Variants in DAB1 observed in about 807,000 individuals in gnomAD.
DAB1 encodes the protein DAB adaptor protein 1.
DAB1 carries 15 observed loss-of-function variants against 64.6 expected under a neutral mutation model. The ratio of observed to expected loss-of-function variants is 0.23; its 90% confidence interval spans 0.16 to 0.36. DAB1 has a LOEUF of 0.36. Ranked by LOEUF, DAB1 falls within the 10% of genes least tolerant of loss-of-function variation. The pLI is 1.00. For synonymous variants in DAB1, 235 were observed against 251.9 expected, an observed-to-expected ratio of 0.93 and a Z score of 0.64; for missense variants, 596 against 706.7, an observed-to-expected ratio of 0.84 and a Z score of 1.78.
chr1:58,082,508 T>C (rs1359495), intron 5 of DAB1, among the ~76,000 whole-genome samples: 36,178 of 151,718 alleles, frequency 0.24, 4,893 homozygotes, highest in East Asian at 0.49. Context: ...GTAGAAATTG[T>C]AGCATAAAGG....
chr1:58,107,841 T>G (rs1389833926), intron 5 of DAB1, among the ~76,000 whole-genome samples: 2 of 152,022 alleles, frequency 1.3e-5, no homozygotes, highest in African/African-American at 4.8e-5. Context: ...GATCTTGAAC[T>G]CCTGACCTCA....
chr1:57,602,270 T>G (rs1645583875), intron 7 of DAB1, among the ~76,000 whole-genome samples: 1 of 152,236 alleles, frequency 6.6e-6, no homozygotes, highest in Admixed American at 6.5e-5. Context: ...CTGGCATACC[T>G]ATGCTCACCC....
At chr1:57,125,155 G>A (rs1365163945) in intron 4 of DAB1, among the ~76,000 whole-genome samples, 3 of 152,104 alleles carry the variant, frequency 2.0e-5, no homozygotes, top group Non-Finnish European at 4.4e-5. Context: ...TCATCCCTCA[G>A]TTCATCCTTA....
intron 4 of DAB1, among the ~76,000 whole-genome samples, chr1:58,226,660 T>G (rs962835179): frequency 6.6e-6 from 1 of 152,254 alleles, no homozygotes; most frequent in Non-Finnish European, 1.5e-5. Flanking sequence ...GAATGTTTGA[T>G]TTCTCAGTAC....
At chr1:57,533,028 G>A (rs1644683971) in intron 7 of DAB1, among the ~76,000 whole-genome samples, 1 of 152,094 alleles carries the variant, frequency 6.6e-6, no homozygotes, top group Non-Finnish European at 1.5e-5. Flanking sequence ...CACAGTTCAT[G>A]AGGGACACAG....
At chr1:57,799,948 T>C (rs1358743043) in intron 6 of DAB1, among the ~76,000 whole-genome samples, 2 of 152,186 alleles carry the variant, frequency 1.3e-5, no homozygotes, top group African/African-American at 4.8e-5. Flanking sequence ...TCTGGCCCTT[T>C]GCAGAAAATG....
chr1:57,666,900 G>A (rs986812107), intron 6 of DAB1, among the ~76,000 whole-genome samples: 1 of 151,270 alleles, frequency 6.6e-6, no homozygotes, highest in Non-Finnish European at 1.5e-5. Context: ...GAAGGGGAGG[G>A]GGAGAGAGAG....
chr1:57,807,709 T>A (rs987421789), intron 6 of DAB1, among the ~76,000 whole-genome samples: 15 of 152,116 alleles, frequency 9.9e-5, no homozygotes, highest in Non-Finnish European at 1.5e-5. Context: ...AAAGTTACAC[T>A]GAGTGTGCCC....
chr1:57,358,848 A>G (rs1679329084), intron 1 of DAB1, among the ~76,000 whole-genome samples: 1 of 152,026 alleles, frequency 6.6e-6, no homozygotes, highest in Admixed American at 6.6e-5. Context: ...ACTTCTTTTC[A>G]ACAAAGAAGC....
chr1:57,153,840 C>T (rs1053295448), intron 2 of DAB1, among the ~76,000 whole-genome samples: 13 of 151,912 alleles, frequency 8.6e-5, no homozygotes, highest in Admixed American at 3.9e-4. Context: ...GGGGTTTCAC[C>T]GTGTTAGCCA....
chr1:57,610,255 A>G (rs1234334840), intron 7 of DAB1, among the ~76,000 whole-genome samples: 1 of 152,212 alleles, frequency 6.6e-6, no homozygotes, highest in Non-Finnish European at 1.5e-5. Flanking sequence ...AGTAGGTCCC[A>G]GTTATTGAGC....
At chr1:57,605,160 C>T (rs1645621314) in intron 7 of DAB1, among the ~76,000 whole-genome samples, 1 of 152,092 alleles carries the variant, frequency 6.6e-6, no homozygotes, top group East Asian at 1.9e-4. Flanking sequence ...ATTTTCTTTC[C>T]TCCTATTTCC....
chr1:57,677,158 T>G (rs1392555497), intron 6 of DAB1, among the ~76,000 whole-genome samples: 1 of 152,184 alleles, frequency 6.6e-6, no homozygotes, highest in East Asian at 1.9e-4. Flanking sequence ...GGTGGCCACC[T>G]GTGAAACAGA....
chr1:57,656,394 T>C (rs1426429332), intron 6 of DAB1, among the ~76,000 whole-genome samples: 2 of 152,222 alleles, frequency 1.3e-5, no homozygotes, highest in Non-Finnish European at 2.9e-5. Context: ...TGGCAACACA[T>C]ATACTAAAAG....
At chr1:57,426,874 A>ATATTTTTTTTT (rs57970737), upstream of DAB1, among the ~76,000 whole-genome samples, 95 of 149,278 alleles carry the variant, frequency 6.4e-4, no homozygotes, top group African/African-American at 2.2e-3. Flanking sequence ...ATATATATAT[A>ATATTTTTTTTT]TTTTTTTGAG....
At chr1:57,387,020 C>A (rs896984852) in intron 1 of DAB1, 3 of 152,138 alleles carry the variant, frequency 2.0e-5, no homozygotes, top group African/African-American at 7.2e-5. Flanking sequence ...GATAGTCAGT[C>A]TAACCCTGTT....
At chr1:57,606,529 A>T (rs367718985) in intron 7 of DAB1, among the ~76,000 whole-genome samples, 1,055 of 88,576 alleles carry the variant, frequency 0.012, 8 homozygotes, top group Middle Eastern at 0.029. Context: ...ATAATATATA[A>T]TATATATGAA....
At position 57,583,963 on chromosome 1, in the gene DAB1, T is replaced by G. The variant is rs949704932; in HGVS notation, n.625+65629A>C. On this transcript the variant is annotated intron_variant and non_coding_transcript_variant, in intron 7 of 20. Transcript: ENST00000485760. ...TGCTATAGAATCTGTTAAAGTGAAC[T>G]AAATATGGCCTGAGAAGGACTCCGT... Among the ~76,000 whole-genome samples, 3 of 152,216 alleles carry G rather than the reference T, an allele frequency of 2.0e-5. No individual in the cohort carries two copies. The East Asian group carries it at 5.8e-4, about 29-fold the overall frequency.
At chr1:57,526,599 C>G (rs2101400730) in intron 7 of DAB1, among the ~76,000 whole-genome samples, 1 of 152,292 alleles carries the variant, frequency 6.6e-6, no homozygotes, top group Non-Finnish European at 1.5e-5. Flanking sequence ...CCCAGGTAAG[C>G]AGAAACTGCA....
Sources: allele counts gnomAD v4.1 joint callset (sites outside exome capture counted in the v4.1 genomes callset), GRCh38; gene constraint gnomAD v4.1.1; transcripts MANE v1.5; gene names NCBI Gene and HGNC (gene_info 2026-07-23, HGNC 2026-07-21).